Variants in PREX2 observed in about 807,000 individuals in gnomAD.
PREX2 encodes phosphatidylinositol-3,4,5-trisphosphate dependent Rac exchange factor 2.
A neutral mutation model predicts 203.2 loss-of-function variants in PREX2; 107 were observed. The ratio of observed to expected loss-of-function variants is 0.53; its 90% CI spans 0.45 to 0.62. PREX2 has a LOEUF of 0.62. Ranked by LOEUF, PREX2 falls within the 20% of genes least tolerant of loss-of-function variation. PREX2 has a pLI of 0.00. For missense variants in PREX2, 1,777 were observed against 1,955.9 expected (o/e 0.91, Z 1.72); for synonymous variants, 672 against 663.6 (o/e 1.01, Z -0.19).
Position 68,231,476 on chromosome 8 carries a change from GC to G in PREX2, c.*99del. On this transcript the variant is annotated 3_prime_UTR_variant, in exon 40 of 40. Coordinates refer to ENST00000288368, the MANE Select transcript of PREX2 (RefSeq NM_024870.4). ...CATTCTCCACTGAAGATACATCAAT[GC>G]TTTTTTTTTTTTTTTTTTCTGTAAA... 5 of 643,698 alleles carry G rather than the reference GC, an allele frequency of 7.8e-6. No homozygotes were observed. The highest frequency in any genetic ancestry group is 3.4e-5 in the South Asian group (1 of 29,076). The allele number at this position is 643,698 out of a possible 1,614,324, so 39.9% of individuals were successfully genotyped here. A position where few individuals can be genotyped will look rare whatever the true frequency, so the allele number is the denominator to read the frequency against.
intron 37 of PREX2, among the ~76,000 whole-genome samples, chr8:68,199,166 G>A (rs886367666): frequency 1.6e-4 from 24 of 152,066 alleles, no homozygotes; most frequent in Non-Finnish European, 2.4e-4. Context: ...CCAGTTCCAG[G>A]TGGCATCATA....
intron 35 of PREX2, among the ~76,000 whole-genome samples, chr8:68,169,861 A>G (rs745861757): frequency 6.6e-5 from 10 of 152,114 alleles, no homozygotes; most frequent in Non-Finnish European, 1.2e-4. Flanking sequence ...TGTTCAGGAG[A>G]TCTTCATTCT....
chr8:68,123,895 C>G (rs976335480), intron 30 of PREX2, among the ~76,000 whole-genome samples: 1 of 151,956 alleles, frequency 6.6e-6, no homozygotes, highest in African/African-American at 2.4e-5. Context: ...GGAGGAGGGA[C>G]TCCTCCCTAA....
At chr8:68,141,196 T>C (rs867456993) in intron 33 of PREX2, among the ~76,000 whole-genome samples, 3 of 152,234 alleles carry the variant, frequency 2.0e-5, no homozygotes, top group Admixed American at 1.3e-4. Flanking sequence ...AGTTTGTCTA[T>C]AATTACATTT....
chr8:68,084,866 C>T (rs1383671574), intron 18 of PREX2, among the ~76,000 whole-genome samples: 1 of 152,108 alleles, frequency 6.6e-6, no homozygotes, highest in Admixed American at 6.6e-5. Context: ...CCCTAGGGCC[C>T]CCTGATTTAA....
chr8:68,120,809 C>A (rs1258488367), intron 29 of PREX2, 112 bp from the exon 30 acceptor site: 6 of 819,740 alleles, frequency 7.3e-6, no homozygotes, highest in South Asian at 2.0e-5. Context: ...AAAGAAATGA[C>A]CACCATGTCA....
chr8:68,053,012 A>G (rs1808566520), intron 8 of PREX2, 85 bp from the exon 9 acceptor site: 1 of 1,242,952 alleles, frequency 8.0e-7, no homozygotes. Flanking sequence ...GTGGTTTTGG[A>G]ACTTTTGTGT....
Position 67,987,131 on chromosome 8 carries a change from C to G in PREX2, c.142-30715C>G, listed in dbSNP as rs867055245. ...TCACGCCACTGCACTCCAGCCTGGG[C>G]GACAGAGTGAGACTTCATCTCAAAA... On this transcript the variant is annotated intron_variant, in intron 1 of 39. Coordinates refer to ENST00000288368, the MANE Select transcript of PREX2 (RefSeq NM_024870.4). Among the ~76,000 whole-genome samples, 27 of 118,482 alleles carry G rather than the reference C, an allele frequency of 2.3e-4. No homozygotes were observed. The Admixed American group carries it at 3.1e-3, about 14-fold the overall frequency. The allele number at this position is 118,482 out of a possible 152,430, so 77.7% of individuals were successfully genotyped here.
chr8:68,026,228 G>C (rs1807711892), intron 4 of PREX2, among the ~76,000 whole-genome samples: 1 of 152,042 alleles, frequency 6.6e-6, no homozygotes, highest in Non-Finnish European at 1.5e-5. Context: ...CACACATATT[G>C]AGGCTGATAT....
chr8:68,200,293 A>T (rs538917117), intron 37 of PREX2, among the ~76,000 whole-genome samples: 27 of 152,270 alleles, frequency 1.8e-4, no homozygotes, highest in African/African-American at 6.3e-4. Flanking sequence ...AAGACAAAAT[A>T]TATCCTACTC....
intron 1 of PREX2, among the ~76,000 whole-genome samples, chr8:68,008,080 G>A (rs1297004990): frequency 1.3e-5 from 2 of 152,182 alleles, no homozygotes; most frequent in East Asian, 3.9e-4. Context: ...TCCAGGCAGA[G>A]TGGCTCCAGA....
intron 1 of PREX2, among the ~76,000 whole-genome samples, chr8:67,958,208 A>G (rs985398930): frequency 6.6e-6 from 1 of 152,210 alleles, no homozygotes; most frequent in African/African-American, 2.4e-5. Flanking sequence ...GGTCATCACA[A>G]TACTCTATGG....
chr8:68,144,742 T>G (rs994761002), intron 33 of PREX2, among the ~76,000 whole-genome samples: 6 of 152,118 alleles, frequency 3.9e-5, no homozygotes, highest in African/African-American at 1.4e-4. Context: ...AGGCCAAGGC[T>G]GGAGGATCAC....
chr8:68,157,360 G>A lies in PREX2; in HGVS notation c.4270G>A (p.Val1424Ile), dbSNP rs769208193. The A allele has an allele frequency of 1.2e-6, 2 of 1,612,198 alleles. No individual in the cohort carries two copies. The highest frequency in any genetic ancestry group is 1.7e-6 in the Non-Finnish European group (2 of 1,178,548). ...GGAAGGATATTATTACAGAGACAAT[G>A]TTTCTGTGGAAGAATTTCAAGCTCA... Reference protein sequence around the residue: ...SMEGYYYRDNVSVEEFQAQIN... With the variant: ...SMEGYYYRDNISVEEFQAQIN... The change falls in exon 35 of 40, where the codon GTT becomes ATT. Residue 1424 changes from valine (V) to isoleucine (I), a missense_variant. Coordinates refer to ENST00000288368, the MANE Select transcript of PREX2 (RefSeq NM_024870.4).
At position 68,145,418 on chromosome 8, in the gene PREX2, G is replaced by A. The variant is rs137911708; in HGVS notation, c.4088-791G>A. On this transcript the variant is annotated intron_variant, in intron 33 of 39. Coordinates refer to ENST00000288368, the MANE Select transcript of PREX2 (RefSeq NM_024870.4). ...TTTATATACAGTTTTATTTCAAGAAGCAGGTCAGAAGTTATAAATACTGAG... is the reference window on the plus strand; with the variant it reads ...TTTATATACAGTTTTATTTCAAGAAACAGGTCAGAAGTTATAAATACTGAG... Among the ~76,000 whole-genome samples the A allele has an allele frequency of 2.1e-3, 322 of 152,202 alleles. 1 individual carries two copies. Among genetic ancestry groups the A allele is most frequent in the Non-Finnish European group, 3.4e-3 (228 of 67,992 alleles).
At chr8:68,202,372 G>T (rs538725484) in intron 37 of PREX2, among the ~76,000 whole-genome samples, 1 of 152,192 alleles carries the variant, frequency 6.6e-6, no homozygotes, top group African/African-American at 2.4e-5. Flanking sequence ...AGAGTGGAAG[G>T]CTCTGGCTGC....
chr8:67,952,364 G>A lies in PREX2; in HGVS notation c.-31G>A, dbSNP rs1356199664. 2 of 1,500,706 alleles carry A rather than the reference G, an allele frequency of 1.3e-6. No homozygotes were observed. The highest frequency in any genetic ancestry group is 1.5e-5 in the African/African-American group (1 of 68,096). 93.0% of individuals were successfully genotyped at this position (1,500,706 alleles called of 1,614,324 possible). A position where few individuals can be genotyped will look rare whatever the true frequency, so the allele number is the denominator to read the frequency against. ...GCGCGGGTCAGCGCTCAGCACGGCG[G>A]GCAGCGCCGCGCTGCGCACCGCCGC... On this transcript the variant is annotated 5_prime_UTR_variant, in exon 1 of 40. Coordinates refer to ENST00000288368, the MANE Select transcript of PREX2 (RefSeq NM_024870.4).
intron 34 of PREX2, among the ~76,000 whole-genome samples, chr8:68,150,718 G>A (rs1344724882): frequency 2.0e-5 from 3 of 152,112 alleles, no homozygotes; most frequent in Admixed American, 2.0e-4. Flanking sequence ...TTCAGGGATT[G>A]GAAGCTCACA....
chr8:68,003,943 C>T (rs569169017), intron 1 of PREX2, among the ~76,000 whole-genome samples: 12 of 151,542 alleles, frequency 7.9e-5, no homozygotes, highest in Admixed American at 2.0e-4. Flanking sequence ...CTGCCTCCCC[C>T]GTTCCAGCGA....
Sources: allele counts gnomAD v4.1 joint callset (sites outside exome capture counted in the v4.1 genomes callset), GRCh38; gene constraint gnomAD v4.1.1; transcripts MANE v1.5; gene names NCBI Gene and HGNC (gene_info 2026-07-23, HGNC 2026-07-21).